DNAI2: variants seen among roughly 807,000 people sequenced by gnomAD.
The protein encoded by DNAI2 is dynein axonemal intermediate chain 2.
DNAI2 carries 63 observed loss-of-function variants against 74.7 expected under a neutral mutation model. That is an observed-to-expected ratio of 0.84 (90% CI 0.69 to 1.04). The LOEUF (loss-of-function observed/expected upper bound fraction) is 1.04. Ranked by LOEUF, DNAI2 falls within the 50% of genes least tolerant of loss-of-function variation. The pLI, the probability that DNAI2 is intolerant of heterozygous loss-of-function variation, is 0.00. For missense variants in DNAI2, 688 were observed against 803.2 expected (o/e 0.86, Z 1.73); for synonymous variants, 289 against 314.9 (o/e 0.92, Z 0.87).
chr17:74,301,649 C>T (rs996001225), intron 8 of DNAI2, among the ~76,000 whole-genome samples: 2 of 151,504 alleles, frequency 1.3e-5, no homozygotes, highest in South Asian at 2.1e-4. Flanking sequence ...AGCATGGTCT[C>T]GGTGTTCAGT....
At chr17:74,294,535 T>G (rs1438850934) in intron 6 of DNAI2, among the ~76,000 whole-genome samples, 9 of 151,376 alleles carry the variant, frequency 5.9e-5, no homozygotes, top group Admixed American at 4.6e-4. Context: ...AGGCTGGTCT[T>G]GAACTCCTGG....
chr17:74,296,707 C>A (rs184777847), intron 6 of DNAI2, among the ~76,000 whole-genome samples: 13 of 152,298 alleles, frequency 8.5e-5, no homozygotes, highest in Admixed American at 4.6e-4. Context: ...AGGGAACCAC[C>A]AGACCGGTCA....
intron 1 of DNAI2, among the ~76,000 whole-genome samples, chr17:74,277,394 AAAAAAAAG>A (rs2051151191): frequency 2.0e-5 from 3 of 151,984 alleles, no homozygotes; most frequent in South Asian, 4.1e-4. Context: ...CAAAAAAAAA[AAAAAAAAG>A]AAAAAAGAAA....
chr17:74,286,582 A>G (rs1598282243), intron 3 of DNAI2, among the ~76,000 whole-genome samples: 1 of 151,806 alleles, frequency 6.6e-6, no homozygotes, highest in Non-Finnish European at 1.5e-5. Context: ...CACCATGCCC[A>G]GCTAATTTTC....
intron 9 of DNAI2, among the ~76,000 whole-genome samples, chr17:74,308,633 C>A (rs1261970368): frequency 6.6e-6 from 1 of 152,148 alleles, no homozygotes; most frequent in East Asian, 1.9e-4. Flanking sequence ...GCGATCCTCC[C>A]ATCTCAGCCT....
Position 74,293,546 on chromosome 17 carries a change from G to A in DNAI2, c.724+2413G>A, listed in dbSNP as rs557807525. ...ACCTGTTTGCCTCTTTGAATCTAAAGTATGTCTTGTAGCCAGGTGTGGTGA... is the reference window on the plus strand; with the variant it reads ...ACCTGTTTGCCTCTTTGAATCTAAAATATGTCTTGTAGCCAGGTGTGGTGA... On this transcript the variant is annotated intron_variant, in intron 6 of 13. Transcript: ENST00000311014. Among the ~76,000 whole-genome samples, 14 of 151,468 alleles carry A rather than the reference G, an allele frequency of 9.2e-5. No homozygotes were observed. In the East Asian group the frequency reaches 2.6e-3, roughly 28 times the overall value.
At chr17:74,290,497 A>G (rs972964713) in intron 5 of DNAI2, among the ~76,000 whole-genome samples, 2 of 152,212 alleles carry the variant, frequency 1.3e-5, no homozygotes, top group African/African-American at 4.8e-5. Context: ...AGACACAGGC[A>G]GGGACAGGGT....
chr17:74,310,891 T>C (rs1013025808), intron 11 of DNAI2, among the ~76,000 whole-genome samples: 2 of 152,002 alleles, frequency 1.3e-5, no homozygotes, highest in African/African-American at 4.8e-5. Context: ...TTACTTCATT[T>C]TGAGACAGGG....
At chr17:74,275,177 C>A (rs753524089) in intron 1 of DNAI2, among the ~76,000 whole-genome samples, 227 of 152,288 alleles carry the variant, frequency 1.5e-3, no homozygotes, top group Non-Finnish European at 2.2e-3. Flanking sequence ...AATAAAAGAC[C>A]ACAGTCTTTC....
Position 74,281,861 on chromosome 17 carries a change from G to A in DNAI2, c.44G>A (p.Gly15Glu), listed in dbSNP as rs765949899. 4 of 1,614,146 alleles carry A rather than the reference G, an allele frequency of 2.5e-6. No homozygotes were observed. Among genetic ancestry groups the A allele is most frequent in the Admixed American group, 1.7e-5 (1 of 60,018 alleles). ...YVYVKKRSEF[G>E]KQCNFSDRQA... ...TACGTCAAGAAGCGCAGCGAGTTCG[G>A]GAAGCAGTGCAATTTCTCGGACCGC... Residue 15 changes from glycine to glutamate, a missense_variant, in exon 2 of 14, where the codon GGG becomes GAG. By Grantham distance (98) the Gly-to-Glu change is moderately conservative (BLOSUM62 -2). Transcript: ENST00000311014.
intron 6 of DNAI2, among the ~76,000 whole-genome samples, chr17:74,297,120 G>A (rs1168416939): frequency 1.3e-5 from 2 of 152,162 alleles, no homozygotes; most frequent in African/African-American, 4.8e-5. Context: ...GAGTCTCGCT[G>A]TGTCACCTAG....
chr17:74,275,428 T>C (rs1354056383), intron 1 of DNAI2, among the ~76,000 whole-genome samples: 1 of 151,884 alleles, frequency 6.6e-6, no homozygotes, highest in Admixed American at 6.6e-5. Flanking sequence ...CACAAGGACA[T>C]AAGAAAGAGA....
intron 5 of DNAI2, 115 bp from the exon 6 acceptor site, chr17:74,290,905 A>T: frequency 1.1e-6 from 1 of 903,520 alleles, no homozygotes; most frequent in Non-Finnish European, 1.9e-6. Context: ...AGGGGCTTCC[A>T]GGCTTCCCCC....
chr17:74,298,299 T>G (rs1196772070), intron 6 of DNAI2, among the ~76,000 whole-genome samples: 1 of 152,186 alleles, frequency 6.6e-6, no homozygotes, highest in African/African-American at 2.4e-5. Flanking sequence ...TTATTTTTAT[T>G]TATTTTTATT....
chr17:74,281,077 C>T (rs1358320890), intron 1 of DNAI2, among the ~76,000 whole-genome samples: 2 of 108,368 alleles, frequency 1.8e-5, no homozygotes, highest in Non-Finnish European at 3.6e-5. Context: ...ACAGTACAAG[C>T]CTTTGTCTCA....
intron 8 of DNAI2, among the ~76,000 whole-genome samples, chr17:74,303,695 T>A (rs1318711980): frequency 1.3e-5 from 2 of 151,672 alleles, no homozygotes; most frequent in East Asian, 1.9e-4. Flanking sequence ...CAGGTTCAAG[T>A]GATTCTCGTG....
At chr17:74,299,901 C>T (rs1444550664) in intron 7 of DNAI2, 44 bp downstream of exon 7, 3 of 1,611,210 alleles carry the variant, frequency 1.9e-6, no homozygotes, top group South Asian at 1.1e-5. Context: ...AAGGGAGGGG[C>T]AGTAACTGTT....
At chr17:74,309,149 C>T (rs1168218560) in intron 9 of DNAI2, 104 bp from the exon 10 acceptor site, 8 of 1,319,804 alleles carry the variant, frequency 6.1e-6, no homozygotes, top group Non-Finnish European at 8.6e-6. Flanking sequence ...AACTTCCTAC[C>T]TAGCAAGACT....
At chr17:74,296,294 G>A (rs1195518844) in intron 6 of DNAI2, among the ~76,000 whole-genome samples, 1 of 146,786 alleles carries the variant, frequency 6.8e-6, no homozygotes, top group Admixed American at 7.1e-5. Context: ...GTGCAGCATA[G>A]TGAGATCTTG....
Sources: allele counts gnomAD v4.1 joint callset (sites outside exome capture counted in the v4.1 genomes callset), GRCh38; gene constraint gnomAD v4.1.1; transcripts MANE v1.5; gene names NCBI Gene and HGNC (gene_info 2026-07-23, HGNC 2026-07-21).